Variants in TBC1D22A observed in about 807,000 individuals in gnomAD.
TBC1D22A encodes TBC1 domain family member 22A.
TBC1D22A carries 38 observed loss-of-function variants against 60.2 expected under a neutral mutation model. The ratio of observed to expected loss-of-function variants is 0.63; its 90% CI spans 0.49 to 0.83. The LOEUF is 0.83. Among genes scored for constraint, TBC1D22A ranks in the 40% least tolerant of loss-of-function variants. The pLI, the probability that TBC1D22A is intolerant of heterozygous loss-of-function variation, is 0.00. For synonymous variants in TBC1D22A, 302 were observed against 281.7 expected, an observed-to-expected ratio of 1.07 and a Z score of -0.72; for missense variants, 628 against 701.0, an observed-to-expected ratio of 0.90 and a Z score of 1.18.
At chr22:47,130,038 T>C (rs75165792) in intron 12 of TBC1D22A, among the ~76,000 whole-genome samples, 3,580 of 152,202 alleles carry the variant, frequency 0.024, 160 homozygotes, top group African/African-American at 0.081. Context: ...GCTCCTGGGG[T>C]GGTGTGCCTG....
At chr22:46,977,657 T>G (rs7510803) in intron 9 of TBC1D22A, among the ~76,000 whole-genome samples, 15,336 of 152,234 alleles carry the variant, frequency 0.1, 2,041 homozygotes, top group African/African-American at 0.31. Flanking sequence ...AGAGGTTTAA[T>G]TAGCTCACAG....
intron 9 of TBC1D22A, among the ~76,000 whole-genome samples, chr22:46,981,853 C>T (rs2148165589): frequency 6.6e-6 from 1 of 152,326 alleles, no homozygotes; most frequent in Middle Eastern, 3.4e-3. Flanking sequence ...ACGTGTACTG[C>T]ACAGTTTGGG....
At chr22:47,109,561 C>T (rs887188426) in intron 11 of TBC1D22A, among the ~76,000 whole-genome samples, 1 of 152,138 alleles carries the variant, frequency 6.6e-6, no homozygotes, top group Non-Finnish European at 1.5e-5. Context: ...GTCCAGGTGC[C>T]TCCCTGACAT....
chr22:47,135,869 G>A (rs1181536738), intron 12 of TBC1D22A, among the ~76,000 whole-genome samples: 1 of 151,516 alleles, frequency 6.6e-6, no homozygotes, highest in Non-Finnish European at 1.5e-5. Flanking sequence ...AGGTCACTGT[G>A]GAGTGCTGTG....
intron 8 of TBC1D22A, among the ~76,000 whole-genome samples, chr22:46,965,188 A>G (rs372701652): frequency 1.3e-5 from 2 of 152,242 alleles, no homozygotes; most frequent in Admixed American, 1.3e-4. Flanking sequence ...AGGAACCTGC[A>G]TTGTGTTTTT....
At chr22:47,081,771 A>C (rs1234853755) in intron 11 of TBC1D22A, among the ~76,000 whole-genome samples, 1 of 152,208 alleles carries the variant, frequency 6.6e-6, no homozygotes, top group Non-Finnish European at 1.5e-5. Context: ...TACACTAAAA[A>C]CTGCAAGACA....
At chr22:47,163,547 AC>A (rs759908196) in intron 12 of TBC1D22A, among the ~76,000 whole-genome samples, 46 of 152,196 alleles carry the variant, frequency 3.0e-4, no homozygotes, top group Non-Finnish European at 3.1e-4. Flanking sequence ...CAGAAGGCAG[AC>A]GGGTGAGGTT....
Position 46,785,855 on chromosome 22 carries a change from G to T in TBC1D22A, c.63-6665G>T, listed in dbSNP as rs576624774. The stretch of plus-strand genomic sequence containing the variant: ...AGTTTTGCCAACATGGCTCACTGCA[G>T]CCTTGATCTCAACCTCCTGGGCTCA... On this transcript the variant is annotated intron_variant, in intron 1 of 12. Transcript: ENST00000337137. 2.6e-5 allele frequency among the ~76,000 whole-genome samples: 4 copies of T among 152,324 alleles called. No individual in the cohort carries two copies. In the East Asian group the frequency reaches 7.7e-4, roughly 29 times the overall value.
chr22:46,826,171 A>G (rs184474604), intron 4 of TBC1D22A, among the ~76,000 whole-genome samples: 145 of 152,214 alleles, frequency 9.5e-4, no homozygotes, highest in East Asian at 6.6e-3. Flanking sequence ...GTGAGCCACC[A>G]CACCCAGCTG....
chr22:46,783,494 C>G (rs1423411109), intron 1 of TBC1D22A, among the ~76,000 whole-genome samples: 1 of 152,248 alleles, frequency 6.6e-6, no homozygotes, highest in African/African-American at 2.4e-5. Context: ...ACAGCGCACA[C>G]ACGCAGTTGA....
At chr22:46,890,874 A>G (rs1251946778) in intron 5 of TBC1D22A, among the ~76,000 whole-genome samples, 1 of 152,098 alleles carries the variant, frequency 6.6e-6, no homozygotes, top group East Asian at 1.9e-4. Flanking sequence ...GTTAGAAGAC[A>G]GTTCAGACTT....
At chr22:47,102,943 C>T (rs2065473755) in intron 11 of TBC1D22A, among the ~76,000 whole-genome samples, 1 of 152,218 alleles carries the variant, frequency 6.6e-6, no homozygotes, top group Non-Finnish European at 1.5e-5. Flanking sequence ...ACGTGCTACT[C>T]AGGGCTGGTT....
chr22:46,991,386 C>T (rs1038277719), intron 9 of TBC1D22A, among the ~76,000 whole-genome samples: 36 of 152,126 alleles, frequency 2.4e-4, no homozygotes, highest in African/African-American at 8.2e-4. Context: ...GGAGGGATAG[C>T]GAATGTGATA....
At chr22:47,134,677 C>T (rs57714470) in intron 12 of TBC1D22A, among the ~76,000 whole-genome samples, 2,047 of 151,314 alleles carry the variant, frequency 0.014, 50 homozygotes, top group African/African-American at 0.043. Context: ...GCTGCGTCCT[C>T]TTGTCAAATC....
chr22:47,002,814 C>T (rs2061443909), intron 10 of TBC1D22A, among the ~76,000 whole-genome samples: 1 of 152,140 alleles, frequency 6.6e-6, no homozygotes, highest in South Asian at 2.1e-4. Flanking sequence ...GGACTTAAGG[C>T]TGGGAGGCCC....
chr22:46,864,462 T>C (rs565069221), intron 4 of TBC1D22A, among the ~76,000 whole-genome samples: 5 of 152,332 alleles, frequency 3.3e-5, no homozygotes, highest in Admixed American at 3.3e-4. Flanking sequence ...GAAACCTTGT[T>C]GAAATCTGCC....
chr22:46,889,440 C>T (rs2068279701), intron 5 of TBC1D22A, among the ~76,000 whole-genome samples: 1 of 152,154 alleles, frequency 6.6e-6, no homozygotes. Context: ...GGAGTAATTT[C>T]TTTAGAAAAA....
chr22:47,149,766 C>A (rs1299980620), intron 12 of TBC1D22A, among the ~76,000 whole-genome samples: 2 of 152,156 alleles, frequency 1.3e-5, no homozygotes, highest in African/African-American at 4.8e-5. Context: ...GAGGCTTGTT[C>A]TTTGGAGGAT....
In TBC1D22A at chr22:47,054,552, C is replaced by T. The variant is rs903353868; in HGVS notation, c.1329+17354C>T. Among the ~76,000 whole-genome samples the T allele has an allele frequency of 7.2e-5, 11 of 152,346 alleles. No individual in the cohort carries two copies. The South Asian group carries it at 1.0e-3, about 14-fold the overall frequency. ...GCCTCGCCATGTCCATCTGCTGGTG[C>T]GGCCAAGAGCCTTCCCAGCGGCAGC... On this transcript the variant is annotated intron_variant, in intron 11 of 12. Coordinates refer to ENST00000337137, the MANE Select transcript of TBC1D22A (RefSeq NM_014346.5).
Sources: gnomAD v4.1 joint callset for allele counts (sites outside exome capture counted in the v4.1 genomes callset) on GRCh38, gnomAD v4.1.1 for gene constraint, MANE v1.5 for transcripts, NCBI Gene and HGNC (gene_info 2026-07-23, HGNC 2026-07-21) for gene names.